MCU: variants seen among roughly 807,000 people sequenced by gnomAD.
MCU encodes the protein mitochondrial calcium uniporter.
Under a neutral mutation model 45.2 loss-of-function variants are expected in MCU, and 12 were observed. The observed-to-expected ratio is 0.27, with a 90% confidence interval of 0.17 to 0.43. MCU has a LOEUF of 0.43. Among genes scored for constraint, MCU ranks in the 20% least tolerant of loss-of-function variants. The pLI, the probability that MCU is intolerant of heterozygous loss-of-function variation, is 1.00. For synonymous variants in MCU, 160 were observed against 165.1 expected (o/e 0.97, Z 0.24); for missense variants, 324 against 436.7 (o/e 0.74, Z 2.30).
chr10:72,817,455 G>A (rs1044350446), intron 1 of MCU, among the ~76,000 whole-genome samples: 2 of 152,150 alleles, frequency 1.3e-5, no homozygotes, highest in African/African-American at 2.4e-5. Flanking sequence ...ATAAACATGT[G>A]AATCTGTTCT....
Position 72,842,435 on chromosome 10 carries a change from A to C in MCU, c.220+8007A>C, listed in dbSNP as rs186851525. Reference sequence around the variant, plus strand: ...AGCCTAACCTAGCATCATTTCTCAAAGTGAGCTGTGATTCTATTTGTTACC... The same window carrying C: ...AGCCTAACCTAGCATCATTTCTCAACGTGAGCTGTGATTCTATTTGTTACC... On this transcript the variant is annotated intron_variant, in intron 2 of 7. Coordinates refer to ENST00000373053, the MANE Select transcript of MCU (RefSeq NM_138357.3). Among the ~76,000 whole-genome samples the C allele has an allele frequency of 1.5e-3, 221 of 152,344 alleles. 2 individuals are homozygous for C. Among genetic ancestry groups the C allele is most frequent in the African/African-American group, 4.9e-3 (202 of 41,576 alleles).
intron 1 of MCU, among the ~76,000 whole-genome samples, chr10:72,741,732 C>G (rs1397732448): frequency 6.6e-6 from 1 of 152,028 alleles, no homozygotes; most frequent in Non-Finnish European, 1.5e-5. Context: ...TCATGCACTG[C>G]AAAACGACAT....
At chr10:72,711,922 C>T (rs550584947) in intron 1 of MCU, among the ~76,000 whole-genome samples, 1 of 151,516 alleles carries the variant, frequency 6.6e-6, no homozygotes, top group South Asian at 2.1e-4. Flanking sequence ...CCGTGTTAGC[C>T]AGGATGGTCT....
At chr10:72,797,946 A>C (rs1844276813) in intron 1 of MCU, among the ~76,000 whole-genome samples, 1 of 152,168 alleles carries the variant, frequency 6.6e-6, no homozygotes, top group African/African-American at 2.4e-5. Flanking sequence ...CTTAGGGGGC[A>C]GTTTAGATAG....
chr10:72,707,649 T>TGTG (rs1564534358), intron 1 of MCU, among the ~76,000 whole-genome samples: 7 of 98,742 alleles, frequency 7.1e-5, no homozygotes, highest in East Asian at 5.6e-4. Flanking sequence ...GTGTGTGTGT[T>TGTG]TCCCACCAAA....
chr10:72,857,727 A>G (rs895614636), intron 2 of MCU, among the ~76,000 whole-genome samples: 3 of 152,198 alleles, frequency 2.0e-5, no homozygotes, highest in African/African-American at 7.2e-5. Flanking sequence ...TTTTAAAAAA[A>G]TGTATGTGAA....
intron 2 of MCU, among the ~76,000 whole-genome samples, chr10:72,851,675 G>C (rs1488122396): frequency 1.3e-5 from 2 of 152,194 alleles, no homozygotes; most frequent in Non-Finnish European, 1.5e-5. Flanking sequence ...GATGTTATCT[G>C]CATGAGTGGG....
At chr10:72,787,201 CCCG>C (rs1255784911) in intron 1 of MCU, among the ~76,000 whole-genome samples, 5 of 152,234 alleles carry the variant, frequency 3.3e-5, no homozygotes. Flanking sequence ...TCTGGCCACT[CCCG>C]CCCACGGTAA....
chr10:72,805,097 CTT>C (rs1564562187), intron 1 of MCU, among the ~76,000 whole-genome samples: 2 of 139,678 alleles, frequency 1.4e-5, no homozygotes, highest in South Asian at 2.2e-4. Context: ...TTCTTTCTTT[CTT>C]TCTCTTTCTT....
At chr10:72,764,994 G>A (rs113571151) in intron 1 of MCU, among the ~76,000 whole-genome samples, 8,947 of 151,406 alleles carry the variant, frequency 0.059, 891 homozygotes, top group African/African-American at 0.21. Context: ...GCTTGTGCCT[G>A]TAATCTCAGC....
intron 1 of MCU, among the ~76,000 whole-genome samples, chr10:72,772,643 G>C (rs1180232405): frequency 1.3e-5 from 2 of 152,234 alleles, no homozygotes; most frequent in Non-Finnish European, 2.9e-5. Flanking sequence ...GTTGCAATGA[G>C]CTGAGATCGT....
chr10:72,766,410 C>G (rs907773146), intron 1 of MCU: 7 of 152,040 alleles, frequency 4.6e-5, no homozygotes, highest in Admixed American at 3.9e-4. Flanking sequence ...CTTTTAATGG[C>G]CTTTATATAT....
intron 1 of MCU, among the ~76,000 whole-genome samples, chr10:72,787,308 G>T (rs998563631): frequency 6.6e-6 from 1 of 152,154 alleles, no homozygotes; most frequent in African/African-American, 2.4e-5. Flanking sequence ...TCGCTCTGTC[G>T]CCCAGGCTGG....
At chr10:72,729,060 CTTGTA>C (rs1843136624) in intron 1 of MCU, among the ~76,000 whole-genome samples, 1 of 152,188 alleles carries the variant, frequency 6.6e-6, no homozygotes, top group Admixed American at 6.5e-5. Context: ...GTTGCAGTTA[CTTGTA>C]TTGTGCTAGC....
intron 3 of MCU, 124 bp from the exon 4 acceptor site, chr10:72,860,299 A>C (rs1845356707): frequency 1.3e-6 from 1 of 785,562 alleles, no homozygotes; most frequent in Non-Finnish European, 2.0e-6. Context: ...GAAATGAGGC[A>C]AAAAGTTAAC....
Position 72,805,101 on chromosome 10 carries a change from CTCTTTCTTTCTTTCTTTCTT to C in MCU, c.151-29218_151-29199del, listed in dbSNP as rs1161181455. ...TGTTTCTTTCTTTCTTTCTTTCTTT[CTCTTTCTTTCTTTCTTTCTT>C]TCTTTCTTTCTTTCTTTCTTTCTTT... is the stretch of plus-strand genomic sequence containing the variant. On this transcript the variant is annotated intron_variant, in intron 1 of 7. Transcript: ENST00000373053. Among the ~76,000 whole-genome samples the C allele has an allele frequency of 2.2e-3, 231 of 103,454 alleles. 1 individual carries two copies. The highest frequency in any genetic ancestry group is 8.6e-3 in the African/African-American group (200 of 23,314). 67.9% of individuals were successfully genotyped at this position (103,454 alleles called of 152,430 possible). A position where few individuals can be genotyped will look rare whatever the true frequency, so the allele number is the denominator to read the frequency against.
intron 1 of MCU, among the ~76,000 whole-genome samples, chr10:72,696,027 T>G (rs1158597714): frequency 6.6e-6 from 1 of 151,272 alleles, no homozygotes; most frequent in Non-Finnish European, 1.5e-5. Context: ...CTGGGCATGG[T>G]GGCAGGCGCC....
intron 1 of MCU, among the ~76,000 whole-genome samples, chr10:72,808,712 G>A (rs1161112786): frequency 2.0e-5 from 3 of 152,188 alleles, no homozygotes; most frequent in African/African-American, 4.8e-5. Flanking sequence ...GCTGGGAGGC[G>A]GAATCATGGC....
chr10:72,818,805 C>T (rs1844664850), intron 1 of MCU, among the ~76,000 whole-genome samples: 1 of 147,662 alleles, frequency 6.8e-6, no homozygotes, highest in African/African-American at 2.5e-5. Context: ...TGCACCATTG[C>T]ACTGCAGCCT....
Sources: gnomAD v4.1 joint callset for allele counts (sites outside exome capture counted in the v4.1 genomes callset) on GRCh38, gnomAD v4.1.1 for gene constraint, MANE v1.5 for transcripts, NCBI Gene and HGNC (gene_info 2026-07-23, HGNC 2026-07-21) for gene names.